Variants in RASA3 observed in about 807,000 individuals in gnomAD.
RASA3 encodes the protein ras GTPase-activating protein 3.
Under a neutral mutation model 110.0 loss-of-function variants are expected in RASA3, and 73 were observed. That is an observed-to-expected ratio of 0.66 (90% confidence interval 0.55 to 0.81). RASA3 has a LOEUF of 0.81. Ranked by LOEUF, RASA3 falls within the 30% of genes least tolerant of loss-of-function variation. RASA3 has a pLI of 0.00. For missense variants in RASA3, 976 were observed against 1,113.2 expected, an observed-to-expected ratio of 0.88 and a Z score of 1.75; for synonymous variants, 500 against 451.4, an observed-to-expected ratio of 1.11 and a Z score of -1.37.
chr13:114,064,759 C>T (rs1325764734), intron 2 of RASA3, among the ~76,000 whole-genome samples: 1 of 152,232 alleles, frequency 6.6e-6, no homozygotes, highest in Non-Finnish European at 1.5e-5. Context: ...ATCTCTTGGA[C>T]AGGCCGGCTT....
At chr13:114,022,467 G>A (rs1349192014) in intron 8 of RASA3, among the ~76,000 whole-genome samples, 2 of 152,216 alleles carry the variant, frequency 1.3e-5, no homozygotes, top group Non-Finnish European at 1.5e-5. Flanking sequence ...TACCCAGGGG[G>A]CTAAAACTCG....
At chr13:114,068,843 G>C (rs1396848291) in intron 2 of RASA3, among the ~76,000 whole-genome samples, 2 of 152,192 alleles carry the variant, frequency 1.3e-5, no homozygotes, top group Non-Finnish European at 2.9e-5. Flanking sequence ...CTTGGAGAAG[G>C]GCCAAGGCCA....
At chr13:114,062,635 C>T (rs1172651845) in intron 2 of RASA3, among the ~76,000 whole-genome samples, 1 of 150,836 alleles carries the variant, frequency 6.6e-6, no homozygotes, top group Admixed American at 6.6e-5. Flanking sequence ...AGCCCACGTC[C>T]GCATGCAGAC....
intron 17 of RASA3, 67 bp downstream of exon 17, chr13:114,009,320 A>G (rs940767659): frequency 6.0e-6 from 8 of 1,328,584 alleles, no homozygotes; most frequent in Admixed American, 3.6e-5. Context: ...TTCTATCTCA[A>G]TTTTAAAAGA....
chr13:114,068,789 G>C (rs2079501655), intron 2 of RASA3, among the ~76,000 whole-genome samples: 1 of 152,216 alleles, frequency 6.6e-6, no homozygotes, highest in Non-Finnish European at 1.5e-5. Flanking sequence ...CTCAACCTCA[G>C]AAAATTATTT....
intron 18 of RASA3, among the ~76,000 whole-genome samples, chr13:114,001,873 T>A (rs567375555): frequency 6.6e-6 from 1 of 152,358 alleles, no homozygotes; most frequent in African/African-American, 2.4e-5. Flanking sequence ...ACCTGCCCCC[T>A]CAGGGCCAGC....
intron 12 of RASA3, among the ~76,000 whole-genome samples, chr13:114,016,709 C>G (rs999616900): frequency 2.0e-5 from 3 of 152,242 alleles, no homozygotes; most frequent in African/African-American, 7.2e-5. Flanking sequence ...ATTTTTACTT[C>G]AAAATGCTGC....
At position 114,029,888 on chromosome 13, in the gene RASA3, C is replaced by T; in HGVS notation, c.373-1G>A. 3 of 1,554,988 alleles carry T rather than the reference C, an allele frequency of 1.9e-6. No individual in the cohort carries two copies. The highest frequency in any genetic ancestry group is 2.6e-6 in the Non-Finnish European group (3 of 1,151,796). On this transcript the variant is annotated splice_acceptor_variant, in intron 4 of 23. Coordinates refer to ENST00000334062, the MANE Select transcript of RASA3 (RefSeq NM_007368.4). LOFTEE classifies it high-confidence loss of function. ...GCCGCAGCTCCAGGTGCACTTTGCC[C>T]TGCAAGGCACAAGGATGGGGTGTCA... is the stretch of plus-strand genomic sequence containing the variant.
intron 1 of RASA3, among the ~76,000 whole-genome samples, chr13:114,113,982 T>A (rs1361964713): frequency 1.0e-3 from 133 of 126,732 alleles, no homozygotes; most frequent in African/African-American, 3.9e-3. Context: ...CCATGGCGAG[T>A]GATGTCCGTA....
At chr13:114,041,600 C>T (rs1307706599) in intron 3 of RASA3, among the ~76,000 whole-genome samples, 1 of 152,250 alleles carries the variant, frequency 6.6e-6, no homozygotes, top group Non-Finnish European at 1.5e-5. Context: ...TCACACACCA[C>T]CAAGGCAGCA....
chr13:114,043,205 A>G (rs1316934840), intron 3 of RASA3, among the ~76,000 whole-genome samples: 1 of 152,188 alleles, frequency 6.6e-6, no homozygotes. Context: ...GGTCGGCCAC[A>G]TGATGGAGCA....
At chr13:114,020,828 A>G (rs879277630) in intron 9 of RASA3, among the ~76,000 whole-genome samples, 17 of 152,244 alleles carry the variant, frequency 1.1e-4, no homozygotes, top group Non-Finnish European at 2.4e-4. Context: ...CGCCCTCAAC[A>G]GGAGGTGCTG....
chr13:114,080,735 C>T (rs1308892596), intron 1 of RASA3, among the ~76,000 whole-genome samples: 6 of 48,818 alleles, frequency 1.2e-4, no homozygotes, highest in Admixed American at 1.1e-3. Context: ...TCCCAGGGCA[C>T]GCTTGGATTT....
chr13:114,012,316 C>T (rs192995480), intron 15 of RASA3, among the ~76,000 whole-genome samples: 73 of 151,900 alleles, frequency 4.8e-4, no homozygotes, highest in African/African-American at 1.5e-3. Context: ...ACCAGCACTC[C>T]CCACGCACCG....
At chr13:114,121,325 A>G (rs1415892654) in intron 1 of RASA3, among the ~76,000 whole-genome samples, 2 of 152,198 alleles carry the variant, frequency 1.3e-5, no homozygotes, top group African/African-American at 4.8e-5. Flanking sequence ...CCCCAGCCTC[A>G]GCCATGTGGG....
At position 114,018,109 on chromosome 13, in the gene RASA3, C is replaced by G. The variant is rs1334019903; in HGVS notation, c.1086G>C (p.Arg362=). 2 of 1,539,612 alleles carry G rather than the reference C, an allele frequency of 1.3e-6. No individual in the cohort carries two copies. The highest frequency in any genetic ancestry group is 1.2e-5 in the South Asian group (1 of 82,982). ...GGGGCAGGGTGGGCACTCACTGGGT[C>G]CGCTTCACCTCCGCGCTGGCGATGG... is the stretch of plus-strand genomic sequence containing the variant. ...ISAIASAEVK[R]TQDPNTIFRG... The change falls in exon 11 of 24, where the codon CGG becomes CGC. Residue 362 remains arginine, a synonymous_variant. Coordinates refer to ENST00000334062, the MANE Select transcript of RASA3 (RefSeq NM_007368.4).
intron 1 of RASA3, among the ~76,000 whole-genome samples, chr13:114,125,147 G>A (rs930399586): frequency 6.6e-6 from 1 of 152,152 alleles, no homozygotes; most frequent in Non-Finnish European, 1.5e-5. Context: ...CGAGTCATGT[G>A]GTTTGGCCTG....
chr13:113,981,602 G>T, intron 23 of RASA3, 73 bp downstream of exon 23: 1 of 1,529,748 alleles, frequency 6.5e-7, no homozygotes, highest in Non-Finnish European at 8.9e-7. Flanking sequence ...GGAGCTCCCT[G>T]CAGCCCCACC....
intron 15 of RASA3, among the ~76,000 whole-genome samples, chr13:114,012,070 G>A (rs950129594): frequency 1.3e-5 from 2 of 152,026 alleles, no homozygotes; most frequent in African/African-American, 4.8e-5. Context: ...ATTGGGGCCT[G>A]GAGAAAATCA....
Sources: gnomAD v4.1 joint callset for allele counts (sites outside exome capture counted in the v4.1 genomes callset) on GRCh38, gnomAD v4.1.1 for gene constraint, MANE v1.5 for transcripts, NCBI Gene and HGNC (gene_info 2026-07-23, HGNC 2026-07-21) for gene names.